Variants in TSGA10 observed in about 807,000 individuals in gnomAD.
TSGA10 encodes testis-specific gene 10 protein.
TSGA10 carries 43 observed loss-of-function variants against 96.6 expected under a neutral mutation model. That is an observed-to-expected ratio of 0.44 (90% CI 0.35 to 0.57). The LOEUF (loss-of-function observed/expected upper bound fraction) is 0.57. Ranked by LOEUF, TSGA10 falls within the 20% of genes least tolerant of loss-of-function variation. The probability of loss-of-function intolerance (pLI) is 0.01; values close to 1 mark genes in which losing one functional copy is unlikely to be tolerated. For synonymous variants in TSGA10, 229 were observed against 269.9 expected (o/e 0.85, Z 1.48); for missense variants, 703 against 834.4 (o/e 0.84, Z 1.94).
At chr2:99,149,599 C>T (rs1270568798) in intron 1 of TSGA10, among the ~76,000 whole-genome samples, 3 of 151,348 alleles carry the variant, frequency 2.0e-5, no homozygotes, top group East Asian at 2.0e-4. Context: ...CCCGCCACCA[C>T]GCCCGGCTAA....
chr2:99,082,231 TAACA>T (rs1367973447), intron 10 of TSGA10, among the ~76,000 whole-genome samples: 1 of 152,244 alleles, frequency 6.6e-6, no homozygotes, highest in Non-Finnish European at 1.5e-5. Flanking sequence ...CATCCATATC[TAACA>T]AAGGATTTAG....
chr2:99,023,426 T>G (rs2080230004), intron 17 of TSGA10, among the ~76,000 whole-genome samples: 1 of 152,086 alleles, frequency 6.6e-6, no homozygotes, highest in South Asian at 2.1e-4. Context: ...TTTGATCAAG[T>G]CTACTTAATC....
chr2:99,043,232 C>G (rs975813406), intron 16 of TSGA10, among the ~76,000 whole-genome samples: 1 of 151,790 alleles, frequency 6.6e-6, no homozygotes. Flanking sequence ...CTTGAAATTA[C>G]AATAATTGAA....
At chr2:99,076,387 ATT>A (rs200578208) in intron 12 of TSGA10, among the ~76,000 whole-genome samples, 1,633 of 152,280 alleles carry the variant, frequency 0.011, 9 homozygotes, top group Middle Eastern at 0.027. Flanking sequence ...ATGCCAGAAT[ATT>A]TGTTATAAAA....
intron 16 of TSGA10, among the ~76,000 whole-genome samples, chr2:99,061,279 A>G (rs1261703572): frequency 6.6e-6 from 1 of 152,230 alleles, no homozygotes; most frequent in African/African-American, 2.4e-5. Flanking sequence ...GCATGTGAAA[A>G]TCTGTTCAAC....
At chr2:99,024,396 CCT>C (rs1156810074) in intron 17 of TSGA10, among the ~76,000 whole-genome samples, 1 of 152,004 alleles carries the variant, frequency 6.6e-6, no homozygotes, top group Non-Finnish European at 1.5e-5. Context: ...CCGTATTTGT[CCT>C]TTTTTAATGC....
At chr2:99,059,913 CAA>C (rs35460548) in intron 16 of TSGA10, among the ~76,000 whole-genome samples, 21 of 54,418 alleles carry the variant, frequency 3.9e-4, no homozygotes, top group Admixed American at 9.9e-4. Context: ...GACCCCATCT[CAA>C]AAAAAAAAAA....
intron 2 of TSGA10, among the ~76,000 whole-genome samples, chr2:99,119,398 G>A (rs1559076281): frequency 6.6e-6 from 1 of 152,082 alleles, no homozygotes; most frequent in African/African-American, 2.4e-5. Flanking sequence ...ATGACACTGA[G>A]AATGAAATTT....
At chr2:99,112,740 T>C (rs1230812037) in intron 4 of TSGA10, among the ~76,000 whole-genome samples, 3 of 151,148 alleles carry the variant, frequency 2.0e-5, no homozygotes, top group African/African-American at 7.3e-5. Context: ...AACAGCAAAG[T>C]GCTACAGGGA....
chr2:99,105,735 T>C, intron 7 of TSGA10, 38 bp from the exon 8 acceptor site: 1 of 1,541,032 alleles, frequency 6.5e-7, no homozygotes, highest in Non-Finnish European at 8.8e-7. Context: ...GAACAAGCTT[T>C]AGAACACATA....
At chr2:99,007,198 G>T (rs925580019) in intron 20 of TSGA10, among the ~76,000 whole-genome samples, 3 of 152,062 alleles carry the variant, frequency 2.0e-5, no homozygotes, top group African/African-American at 7.2e-5. Context: ...TGTAAATGAC[G>T]AGTTAATGGG....
intron 20 of TSGA10, among the ~76,000 whole-genome samples, chr2:99,009,880 G>A (rs2104863338): frequency 6.6e-6 from 1 of 152,310 alleles, no homozygotes; most frequent in South Asian, 2.1e-4. Context: ...GCAAGCATGT[G>A]AGCACATGAG....
chr2:99,071,869 C>A lies in TSGA10; in HGVS notation c.944G>T (p.Cys315Phe). The A allele has an allele frequency of 6.2e-7, 1 of 1,612,262 alleles. No individual in the cohort carries two copies. Among genetic ancestry groups the A allele is most frequent in the South Asian group, 1.1e-5 (1 of 90,654 alleles). Residue 315 changes from cysteine to phenylalanine, a missense_variant, in exon 14 of 21, where the codon TGT becomes TTT. Around this residue, in one of 3 missense-constraint regions of TSGA10, gnomAD observed 585 missense variants for 656.8 expected, o/e 0.89. Coordinates refer to ENST00000393483, the MANE Select transcript of TSGA10 (RefSeq NM_025244.4). ...TTCACACACAATTAGGGCCTCAGTA[C>A]ACTGTCTATTCCACAAATCAAAGAG... is the stretch of plus-strand genomic sequence containing the variant. Reference protein sequence around the residue: ...IAEMEQASRQCTEALIVCEQD... With the variant: ...IAEMEQASRQFTEALIVCEQD...
At chr2:99,131,251 C>T (rs1250554216) in intron 1 of TSGA10, among the ~76,000 whole-genome samples, 1 of 152,136 alleles carries the variant, frequency 6.6e-6, no homozygotes, top group Non-Finnish European at 1.5e-5. Flanking sequence ...TCTTCTGATC[C>T]ATGAGCATGG....
chr2:99,149,145 G>A (rs2093662105), intron 1 of TSGA10, among the ~76,000 whole-genome samples: 1 of 147,562 alleles, frequency 6.8e-6, no homozygotes, highest in African/African-American at 2.5e-5. Context: ...ACTCCAGCCT[G>A]GGTGAAAGGG....
intron 2 of TSGA10, among the ~76,000 whole-genome samples, chr2:99,122,691 T>G (rs1456786755): frequency 6.7e-6 from 1 of 149,134 alleles, no homozygotes; most frequent in African/African-American, 2.5e-5. Flanking sequence ...CTTGAACGGC[T>G]GAGGTAGGAG....
Position 99,064,923 on chromosome 2 carries a change from A to AT in TSGA10, c.1404+15dup, listed in dbSNP as rs763066832. The AT allele has an allele frequency of 6.0e-5, 93 of 1,561,752 alleles. No homozygotes were observed. Among genetic ancestry groups the AT allele is most frequent in the Non-Finnish European group, 7.6e-5 (88 of 1,157,930 alleles). ...ATGATGCAGGATGTATTATAAGCAT[A>AT]TTTTTCCAAACTTACTTGCTCAACC... On this transcript the variant is annotated intron_variant, in intron 16 of 20. Coordinates refer to ENST00000393483, the MANE Select transcript of TSGA10 (RefSeq NM_025244.4).
At chr2:99,103,181 T>C (rs1211263097) in intron 10 of TSGA10, among the ~76,000 whole-genome samples, 2 of 152,138 alleles carry the variant, frequency 1.3e-5, no homozygotes, top group African/African-American at 4.8e-5. Context: ...TTTTTCTTTC[T>C]TAAGTTCCGG....
chr2:99,081,504 T>G, intron 10 of TSGA10, 107 bp from the exon 11 acceptor site: 1 of 440,070 alleles, frequency 2.3e-6, no homozygotes, highest in Non-Finnish European at 4.0e-6. Context: ...TTATTTCCTC[T>G]TAATATTTTT....
Sources: allele counts gnomAD v4.1 joint callset (sites outside exome capture counted in the v4.1 genomes callset), GRCh38; gene constraint gnomAD v4.1.1; regional missense constraint gnomAD v4.1.1; transcripts MANE v1.5; gene names NCBI Gene and HGNC (gene_info 2026-07-23, HGNC 2026-07-21).